TACC2: variants seen among roughly 807,000 people sequenced by gnomAD.
The protein encoded by TACC2 is transforming acidic coiled-coil containing protein 2.
TACC2 carries 137 observed loss-of-function variants against 227.3 expected under a neutral mutation model. The observed-to-expected ratio is 0.60, with a 90% CI of 0.52 to 0.69. The LOEUF (loss-of-function observed/expected upper bound fraction) is 0.69, where lower values mean the gene tolerates loss of function less well. TACC2 is among the 30% of genes least tolerant of loss of function. The probability of loss-of-function intolerance (pLI) is 0.00; values close to 1 mark genes in which losing one functional copy is unlikely to be tolerated. For missense variants in TACC2, 3,470 were observed against 3,694.4 expected, an observed-to-expected ratio of 0.94 and a Z score of 1.57; for synonymous variants, 1,523 against 1,487.5, an observed-to-expected ratio of 1.02 and a Z score of -0.55.
At chr10:122,149,331 G>A (rs1225706432) in intron 7 of TACC2, among the ~76,000 whole-genome samples, 2 of 152,346 alleles carry the variant, frequency 1.3e-5, no homozygotes, top group Admixed American at 6.5e-5. Context: ...CGGGAGAAAC[G>A]GGATGGGAGA....
At chr10:122,166,209 C>T (rs923371352) in intron 7 of TACC2, among the ~76,000 whole-genome samples, 1 of 152,090 alleles carries the variant, frequency 6.6e-6, no homozygotes, top group African/African-American at 2.4e-5. Context: ...TCTGCTGGTT[C>T]CCTGTGAAAG....
intron 6 of TACC2, among the ~76,000 whole-genome samples, chr10:122,143,336 G>A (rs1388570848): frequency 6.6e-6 from 1 of 152,156 alleles, no homozygotes; most frequent in Admixed American, 6.5e-5. Flanking sequence ...CGGTTCTACA[G>A]AAGCTTAAGG....
At chr10:122,010,154 T>G (rs767080730) in intron 1 of TACC2, among the ~76,000 whole-genome samples, 26 of 152,156 alleles carry the variant, frequency 1.7e-4, no homozygotes, top group Non-Finnish European at 1.5e-4. Context: ...CACTATCCCT[T>G]TCTCAAAATC....
chr10:122,187,912 G>T (rs1170462805), intron 7 of TACC2, among the ~76,000 whole-genome samples: 1 of 152,134 alleles, frequency 6.6e-6, no homozygotes. Flanking sequence ...CCCAGGGCCT[G>T]GGAGGTCAGG....
intron 7 of TACC2, among the ~76,000 whole-genome samples, chr10:122,170,261 G>GTTTTTT (rs1565493220): frequency 1.0e-5 from 1 of 98,886 alleles, no homozygotes; most frequent in South Asian, 3.0e-4. Flanking sequence ...TGATGATCAA[G>GTTTTTT]TCTTTTTTTT....
chr10:122,149,448 G>C (rs1391412430), intron 7 of TACC2, among the ~76,000 whole-genome samples: 1 of 152,178 alleles, frequency 6.6e-6, no homozygotes, highest in African/African-American at 2.4e-5. Flanking sequence ...AGACTGTGGC[G>C]GCTGTGGCGT....
Position 122,083,455 on chromosome 10 carries a change from G to T in TACC2, c.955G>T (p.Ala319Ser), listed in dbSNP as rs1324407499. ...CCATCTCCCTAGGAGCAATTCAGGG[G>T]CTGCCCCAGAAGCAGAAGTGAATGC... Reference protein sequence around the residue: ...ACHLPRSNSGAAPEAEVNAAS... With the variant: ...ACHLPRSNSGSAPEAEVNAAS... The change falls in exon 4 of 23, where the codon GCT becomes TCT. Residue 319 changes from alanine to serine, a missense_variant. Physicochemically the swap from Ala to Ser is moderately conservative, Grantham distance 99. Coordinates refer to ENST00000369005, the MANE Select transcript of TACC2 (RefSeq NM_206862.4). 6.2e-7 allele frequency: 1 copy of T among 1,613,268 alleles called. No individual in the cohort carries two copies. Among genetic ancestry groups the T allele is most frequent in the African/African-American group, 1.3e-5 (1 of 74,942 alleles).
intron 2 of TACC2, among the ~76,000 whole-genome samples, chr10:122,031,545 T>G (rs1446568600): frequency 7.1e-6 from 1 of 139,876 alleles, no homozygotes; most frequent in Admixed American, 7.1e-5. Flanking sequence ...GCTGGGACTA[T>G]AGGCGCCCAC....
chr10:122,047,802 C>T (rs1325936074), intron 2 of TACC2, among the ~76,000 whole-genome samples: 1 of 152,220 alleles, frequency 6.6e-6, no homozygotes, highest in African/African-American at 2.4e-5. Context: ...AGTAAGTGCT[C>T]AATAACAGGA....
intron 7 of TACC2, chr10:122,192,472 G>A (rs1278924208): frequency 3.0e-6 from 1 of 337,962 alleles, no homozygotes; most frequent in African/African-American, 2.1e-5. Context: ...CAGAAGCCAG[G>A]GGATGGACGA....
intron 7 of TACC2, among the ~76,000 whole-genome samples, chr10:122,165,681 C>T (rs2093119512): frequency 6.6e-6 from 1 of 152,196 alleles, no homozygotes; most frequent in Non-Finnish European, 1.5e-5. Flanking sequence ...TCCATATGCC[C>T]CCGCCTGAGG....
rs561581569 is a variant in TACC2, at chr10:122,064,381, A to G, written c.146+13831A>G. Among the ~76,000 whole-genome samples the G allele has an allele frequency of 2.6e-5, 4 of 152,312 alleles. No individual in the cohort carries two copies. The East Asian group carries it at 7.7e-4, about 29-fold the overall frequency. On this transcript the variant is annotated intron_variant, in intron 3 of 22. Transcript: ENST00000369005. ...TATATTTGTTTCAACTAATGGGCCA[A>G]TATTGATACATTATTATTAACTAAA...
At chr10:122,096,456 G>A (rs1368916502) in intron 5 of TACC2, among the ~76,000 whole-genome samples, 1 of 152,118 alleles carries the variant, frequency 6.6e-6, no homozygotes, top group Non-Finnish European at 1.5e-5. Context: ...CAGCACTTTG[G>A]GAGGCCGAGG....
At chr10:122,238,323 C>T (rs1038545444) in intron 18 of TACC2, among the ~76,000 whole-genome samples, 1 of 152,228 alleles carries the variant, frequency 6.6e-6, no homozygotes, top group African/African-American at 2.4e-5. Flanking sequence ...TCTTCTGTTT[C>T]TGGTGGATCC....
intron 3 of TACC2, among the ~76,000 whole-genome samples, chr10:122,054,117 T>C (rs1357572084): frequency 6.6e-6 from 1 of 152,194 alleles, no homozygotes; most frequent in African/African-American, 2.4e-5. Context: ...CTTCCCTCCC[T>C]CTGAATTATG....
chr10:122,050,630 A>G lies in TACC2; in HGVS notation c.146+80A>G. 2.5e-6 allele frequency: 3 copies of G among 1,198,604 alleles called. No individual in the cohort carries two copies. Among genetic ancestry groups the G allele is most frequent in the Non-Finnish European group, 3.6e-6 (3 of 825,056 alleles). 74.2% of individuals were successfully genotyped at this position (1,198,604 alleles called of 1,614,324 possible). Reference sequence around the variant, plus strand: ...CCTGCTCCAGCATTAGCTTTGCCCCATTTGCTTTGGAAACTGGACCCTTAG... The same window carrying G: ...CCTGCTCCAGCATTAGCTTTGCCCCGTTTGCTTTGGAAACTGGACCCTTAG... On this transcript the variant is annotated intron_variant, in intron 3 of 22. Transcript: ENST00000369005. This position sits in a 1 kb window ranked among gnomAD's most constrained non-coding sequence, Gnocchi z 4.6.
At chr10:122,043,581 TTTC>T (rs1373886340) in intron 2 of TACC2, among the ~76,000 whole-genome samples, 2 of 150,478 alleles carry the variant, frequency 1.3e-5, no homozygotes, top group African/African-American at 4.9e-5. Context: ...TCTTTCTTCC[TTTC>T]TTCCTTTCTT....
chr10:122,037,257 G>T (rs114083807), intron 2 of TACC2, among the ~76,000 whole-genome samples: 257 of 152,360 alleles, frequency 1.7e-3, no homozygotes, highest in African/African-American at 5.8e-3. Flanking sequence ...GAGCTGTGCA[G>T]CCAGGGAGCT....
At chr10:122,036,551 G>A (rs1259271361) in intron 2 of TACC2, among the ~76,000 whole-genome samples, 7 of 148,636 alleles carry the variant, frequency 4.7e-5, no homozygotes, top group South Asian at 4.3e-4. Flanking sequence ...CCAGGCTGGA[G>A]TGCAGTGGCT....
Sources: gnomAD v4.1 joint callset for allele counts (sites outside exome capture counted in the v4.1 genomes callset) on GRCh38, gnomAD v4.1.1 for gene constraint, Gnocchi (gnomAD v3.1) non-coding constraint, MANE v1.5 for transcripts, NCBI Gene and HGNC (gene_info 2026-07-23, HGNC 2026-07-21) for gene names.